GRK1: variants seen among roughly 807,000 people sequenced by gnomAD.
GRK1 encodes the protein rhodopsin kinase GRK1.
In GRK1, 28 loss-of-function variants were observed where a neutral mutation model predicts 41.7. The ratio of observed to expected loss-of-function variants is 0.67; its 90% CI spans 0.50 to 0.92. GRK1 has a LOEUF of 0.92. GRK1 is among the 40% of genes least tolerant of loss of function. The probability of loss-of-function intolerance (pLI) is 0.00; values close to 1 mark genes in which losing one functional copy is unlikely to be tolerated. For missense variants in GRK1, 703 were observed against 671.2 expected, an observed-to-expected ratio of 1.05 and a Z score of -0.52; for synonymous variants, 327 against 286.7, an observed-to-expected ratio of 1.14 and a Z score of -1.42.
intron 4 of GRK1, among the ~76,000 whole-genome samples, chr13:113,728,705 G>T (rs1209929164): frequency 6.6e-6 from 1 of 152,206 alleles, no homozygotes; most frequent in Admixed American, 6.5e-5. Context: ...GCCGAGACAG[G>T]TGGGATCTGC....
At chr13:113,667,045 A>C, upstream of GRK1, 2 of 191,788 alleles carry the variant, frequency 1.0e-5, no homozygotes, top group Non-Finnish European at 1.1e-5. The surrounding 1 kb of genome is among the most constrained non-coding windows in gnomAD (Gnocchi z 7.5). Flanking sequence ...TCTCAGGGGA[A>C]AAGTGAGGCG....
chr13:113,664,921 C>G (rs1032230823), upstream of GRK1, among the ~76,000 whole-genome samples: 2 of 152,244 alleles, frequency 1.3e-5, no homozygotes, highest in Admixed American at 6.5e-5. The surrounding 1 kb of genome is among the most constrained non-coding windows in gnomAD (Gnocchi z 5.4). Flanking sequence ...AAGGGCAGGG[C>G]TGGGCCCGTG....
chr13:113,734,882 C>G (rs2049991240), intron 6 of GRK1, 186 bp from the exon 7 acceptor site: 1 of 524,002 alleles, frequency 1.9e-6, no homozygotes. Flanking sequence ...TGTGTGGTCT[C>G]AGGGGAACCC....
intron 1 of GRK1, among the ~76,000 whole-genome samples, chr13:113,668,359 A>G (rs2049834327): frequency 6.6e-6 from 1 of 152,218 alleles, no homozygotes; most frequent in South Asian, 2.1e-4. Context: ...CACCAACCAC[A>G]GACTAGCCTC....
At chr13:113,656,536 G>C in the GRK1 span, among the ~76,000 whole-genome samples, 1 of 152,174 alleles carries the variant, frequency 6.6e-6, no homozygotes, top group Admixed American at 6.5e-5. Context: ...CGGTGTTCAG[G>C]GCACGCTGCA....
the GRK1 span, among the ~76,000 whole-genome samples, chr13:113,651,475 C>T: frequency 6.6e-6 from 1 of 152,222 alleles, no homozygotes; most frequent in African/African-American, 2.4e-5. Flanking sequence ...GAAAAAGCCC[C>T]ATTGTTTCCC....
upstream of GRK1, among the ~76,000 whole-genome samples, chr13:113,666,486 T>C (rs2049820185): frequency 6.6e-6 from 1 of 151,554 alleles, no homozygotes; most frequent in Non-Finnish European, 1.5e-5. Flanking sequence ...GTCCCAGGTG[T>C]GTCCCAGATG....
At chr13:113,651,594 G>C in the GRK1 span, 1 of 1,432,860 alleles carries the variant, frequency 7.0e-7, no homozygotes, top group East Asian at 2.6e-5. Flanking sequence ...CAGGTGGGCC[G>C]TGCCCAGCAT....
At chr13:113,665,697 TCAGGTGTGCCCCAGGCATATCC>T (rs1402633338), upstream of GRK1, among the ~76,000 whole-genome samples, 1 of 141,182 alleles carries the variant, frequency 7.1e-6, no homozygotes, top group Non-Finnish European at 1.5e-5. Context: ...CTCAGCTGTC[TCAGGTGTGCCCCAGGCATATCC>T]CAGGTGTGCC....
Position 113,731,283 on chromosome 13 carries a change from G to C in GRK1, c.1134G>C (p.Leu378=). The part of the protein sequence containing the change: ...EYDFSVDYFA[L]GVTLYEMIAA... ...ACTTCTCCGTGGACTACTTTGCCCTGGGGGTCACCCTGTATGAGATGATTG... is the reference window on the plus strand; with the variant it reads ...ACTTCTCCGTGGACTACTTTGCCCTCGGGGTCACCCTGTATGAGATGATTG... The change falls in exon 5 of 7, where the codon CTG becomes CTC. Residue 378 remains leucine, a synonymous_variant. Coordinates refer to ENST00000335678, the MANE Select transcript of GRK1 (RefSeq NM_002929.3). The surrounding 1 kb of genome is among the most constrained non-coding windows in gnomAD (Gnocchi z 5.6). 6.5e-7 allele frequency: 1 copy of C among 1,537,132 alleles called. No individual in the cohort carries two copies. Among genetic ancestry groups the C allele is most frequent in the Non-Finnish European group, 8.7e-7 (1 of 1,146,854 alleles).
At chr13:113,669,836 A>G (rs1420900940) in intron 2 of GRK1, 22 bp downstream of exon 2, 2 of 1,612,966 alleles carry the variant, frequency 1.2e-6, no homozygotes, top group Non-Finnish European at 1.7e-6. Context: ...GCCAGAGGGC[A>G]CGAGGGGGCC....
the GRK1 span, chr13:113,653,032 G>C: frequency 1.7e-4 from 272 of 1,613,778 alleles, 1 homozygote; most frequent in African/African-American, 3.1e-3. Context: ...ACTGCTCGGA[G>C]GTGCAGTTGA....
chr13:113,666,181 G>A (rs977392280), upstream of GRK1, among the ~76,000 whole-genome samples: 3 of 142,250 alleles, frequency 2.1e-5, no homozygotes, highest in Non-Finnish European at 4.5e-5. Flanking sequence ...TGCATTTCAA[G>A]TGTCTCAGGT....
intron 4 of GRK1, among the ~76,000 whole-genome samples, chr13:113,726,716 C>G (rs552291796): frequency 2.0e-5 from 3 of 152,300 alleles, no homozygotes; most frequent in South Asian, 4.1e-4. Context: ...GTCTGGTGGG[C>G]CTTGCTCGTG....
chr13:113,648,359 G>C, the GRK1 span, among the ~76,000 whole-genome samples: 1 of 152,174 alleles, frequency 6.6e-6, no homozygotes. Flanking sequence ...ACTTCGACGC[G>C]CCAGTCGCTT....
chr13:113,670,753 C>T (rs1312603679), intron 2 of GRK1, among the ~76,000 whole-genome samples: 1 of 63,034 alleles, frequency 1.6e-5, no homozygotes, highest in Non-Finnish European at 3.2e-5. Context: ...AACGCAGACA[C>T]GGGGTGCCCA....
chr13:113,657,945 C>T, the GRK1 span: 4 of 1,136,056 alleles, frequency 3.5e-6, no homozygotes, highest in Non-Finnish European at 5.0e-6. Flanking sequence ...CAGGGGCCCT[C>T]TGCTCCCCTC....
chr13:113,731,094 CA>C lies in GRK1; in HGVS notation c.1070-122del, dbSNP rs2049933336. The C allele has an allele frequency of 1.5e-6, 2 of 1,373,848 alleles. No homozygotes were observed. Among genetic ancestry groups the C allele is most frequent in the African/African-American group, 2.9e-5 (2 of 68,808 alleles). 85.1% of individuals were successfully genotyped at this position (1,373,848 alleles called of 1,614,324 possible). A position where few individuals can be genotyped will look rare whatever the true frequency, so the allele number is the denominator to read the frequency against. ...CCCTCCACAAAGGATTTTCTGGCCC[CA>C]AATGTGGAGAGTGCTGAGGCCCCGG... On this transcript the variant is annotated intron_variant, in intron 4 of 6. Transcript: ENST00000335678. This position sits in a 1 kb window ranked among gnomAD's most constrained non-coding sequence, Gnocchi z 5.6.
At position 113,667,281 on chromosome 13, in the gene GRK1, G is replaced by A. The variant is rs1199317373; in HGVS notation, c.-106G>A. 19 of 1,136,526 alleles carry A rather than the reference G, an allele frequency of 1.7e-5. No individual in the cohort carries two copies. The highest frequency in any genetic ancestry group is 7.8e-5 in the East Asian group (3 of 38,668). The allele number at this position is 1,136,526 out of a possible 1,614,324, so 70.4% of individuals were successfully genotyped here. ...TCTCTCGTCCAGCAAGGGCAGGGAC[G>A]GGCCACAGGCCAAGGGCAGCAGTCA... On this transcript the variant is annotated 5_prime_UTR_variant, in exon 1 of 7. Coordinates refer to ENST00000335678, the MANE Select transcript of GRK1 (RefSeq NM_002929.3). This position sits in a 1 kb window ranked among gnomAD's most constrained non-coding sequence, Gnocchi z 7.5.
Sources: allele counts gnomAD v4.1 joint callset (sites outside exome capture counted in the v4.1 genomes callset), GRCh38; gene constraint gnomAD v4.1.1; non-coding constraint Gnocchi (gnomAD v3.1); transcripts MANE v1.5; gene names NCBI Gene and HGNC (gene_info 2026-07-23, HGNC 2026-07-21).